TBC1D1: variants seen among roughly 807,000 people sequenced by gnomAD.
TBC1D1 encodes the protein TBC1 (tre-2/USP6, BUB2, cdc16) domain family, member 1.
TBC1D1 carries 89 observed loss-of-function variants against 125.6 expected under a neutral mutation model. The ratio of observed to expected loss-of-function variants is 0.71; its 90% CI spans 0.60 to 0.85. The LOEUF (loss-of-function observed/expected upper bound fraction) is 0.85. Ranked by LOEUF, TBC1D1 falls within the 40% of genes least tolerant of loss-of-function variation. The probability of loss-of-function intolerance (pLI) is 0.00; values close to 1 mark genes in which losing one functional copy is unlikely to be tolerated. For missense variants in TBC1D1, 1,377 were observed against 1,469.2 expected (o/e 0.94, Z 1.03); for synonymous variants, 565 against 564.1 (o/e 1.00, Z -0.02).
chr4:37,984,450 T>G (rs956409063), intron 2 of TBC1D1, among the ~76,000 whole-genome samples: 44 of 152,364 alleles, frequency 2.9e-4, no homozygotes, highest in Middle Eastern at 3.4e-3. Context: ...ATTATTCTAA[T>G]AGGTGTGTAG....
chr4:37,902,251 G>A lies in TBC1D1; in HGVS notation c.156G>A (p.Arg52=), dbSNP rs764743776. 5 of 1,613,938 alleles carry A rather than the reference G, an allele frequency of 3.1e-6. No homozygotes were observed. The African/African-American group carries it at 5.3e-5, about 17-fold the overall frequency. Residue 52 remains arginine (R), a synonymous_variant, in exon 2 of 20, where the codon AGG becomes AGA. Transcript: ENST00000261439. Reference sequence around the variant, plus strand: ...TGGCTGAGGTGCGAAGACTCAGCAGGCAGTCCACCAGAAAGGAACCTGTAA... The same window carrying A: ...TGGCTGAGGTGCGAAGACTCAGCAGACAGTCCACCAGAAAGGAACCTGTAA...
At chr4:37,899,625 T>G (rs1162786317) in intron 1 of TBC1D1, among the ~76,000 whole-genome samples, 5 of 151,688 alleles carry the variant, frequency 3.3e-5, no homozygotes, top group South Asian at 2.1e-4. Flanking sequence ...GCAAAGTGCG[T>G]GGTACTCAAT....
At chr4:38,015,569 G>C (rs189790368) in intron 3 of TBC1D1, among the ~76,000 whole-genome samples, 1 of 152,134 alleles carries the variant, frequency 6.6e-6, no homozygotes, top group African/African-American at 2.4e-5. Context: ...GTTCCATGCT[G>C]ATCTGGGCTC....
At position 38,102,912 on chromosome 4, in the gene TBC1D1, T is replaced by C; in HGVS notation, c.2399-87T>C. The C allele has an allele frequency of 1.5e-5, 20 of 1,367,218 alleles. No homozygotes were observed. In the South Asian group the frequency reaches 2.8e-4, roughly 19 times the overall value. The allele number at this position is 1,367,218 out of a possible 1,614,324, so 84.7% of individuals were successfully genotyped here. A position where few individuals can be genotyped will look rare whatever the true frequency, so the allele number is the denominator to read the frequency against. ...AAAAAAAAAGGAACAAGAATTTGGATAAATGGAACATGAAACACAATTCAT... is the reference window on the plus strand; with the variant it reads ...AAAAAAAAAGGAACAAGAATTTGGACAAATGGAACATGAAACACAATTCAT... On this transcript the variant is annotated intron_variant, in intron 14 of 19. Coordinates refer to ENST00000261439, the MANE Select transcript of TBC1D1 (RefSeq NM_015173.4).
chr4:38,013,521 C>T (rs1249589875), intron 2 of TBC1D1, among the ~76,000 whole-genome samples: 1 of 151,998 alleles, frequency 6.6e-6, no homozygotes, highest in Non-Finnish European at 1.5e-5. Context: ...AAAAGTAGGC[C>T]CTTTTGAAGA....
chr4:38,014,997 A>G lies in TBC1D1; in HGVS notation c.882+24A>G, dbSNP rs749802326. On this transcript the variant is annotated intron_variant, in intron 3 of 19. Transcript: ENST00000261439. This position sits in a 1 kb window ranked among gnomAD's most constrained non-coding sequence, Gnocchi z 5.1. ...CGGTAAAATATCACCCAGCTCGTGC[A>G]CAGCCCCAGTCTGCCATACGCTTTC... The G allele has an allele frequency of 2.0e-6, 3 of 1,510,696 alleles. No individual in the cohort carries two copies. The East Asian group carries it at 6.9e-5, about 35-fold the overall frequency. 93.6% of individuals were successfully genotyped at this position (1,510,696 alleles called of 1,614,324 possible). A position where few individuals can be genotyped will look rare whatever the true frequency, so the allele number is the denominator to read the frequency against.
intron 12 of TBC1D1, among the ~76,000 whole-genome samples, chr4:38,061,693 T>C (rs1343560638): frequency 1.3e-5 from 2 of 152,238 alleles, no homozygotes; most frequent in Non-Finnish European, 2.9e-5. Context: ...TCAATATGCC[T>C]AGTTTATAGT....
intron 2 of TBC1D1, among the ~76,000 whole-genome samples, chr4:37,985,831 T>C (rs566017067): frequency 6.6e-6 from 1 of 152,310 alleles, no homozygotes; most frequent in Admixed American, 6.5e-5. Flanking sequence ...ATGTGATATA[T>C]GCACGAAGAA....
chr4:37,956,520 A>G (rs1235513512), intron 2 of TBC1D1, among the ~76,000 whole-genome samples: 1 of 152,188 alleles, frequency 6.6e-6, no homozygotes, highest in Non-Finnish European at 1.5e-5. Flanking sequence ...CTTCCAGCAG[A>G]CTATCCTCAT....
intron 2 of TBC1D1, among the ~76,000 whole-genome samples, chr4:38,004,076 A>C (rs1739599847): frequency 6.6e-6 from 1 of 152,152 alleles, no homozygotes; most frequent in Non-Finnish European, 1.5e-5. Flanking sequence ...GGCTTGCCCA[A>C]AGCAGTGCTT....
intron 12 of TBC1D1, among the ~76,000 whole-genome samples, chr4:38,066,938 G>A (rs1051022438): frequency 2.0e-5 from 3 of 151,930 alleles, no homozygotes; most frequent in Non-Finnish European, 2.9e-5. Context: ...GTGCAGTGGT[G>A]CAATCTTGGC....
intron 1 of TBC1D1, among the ~76,000 whole-genome samples, chr4:37,894,918 C>T (rs548941885): frequency 6.6e-4 from 101 of 152,290 alleles, no homozygotes; most frequent in African/African-American, 2.3e-3. Flanking sequence ...TCAAATGCCA[C>T]CTTCACAATT....
intron 2 of TBC1D1, among the ~76,000 whole-genome samples, chr4:37,951,517 G>A (rs1294332481): frequency 1.3e-5 from 2 of 152,166 alleles, no homozygotes; most frequent in Non-Finnish European, 2.9e-5. Flanking sequence ...ACATCCTGGG[G>A]ACCACCACCC....
At chr4:38,001,002 C>G (rs185872230) in intron 2 of TBC1D1, among the ~76,000 whole-genome samples, 2 of 152,260 alleles carry the variant, frequency 1.3e-5, no homozygotes, top group Non-Finnish European at 2.9e-5. Flanking sequence ...GAGCGGATCA[C>G]CAGGTCAGGA....
Position 38,049,643 on chromosome 4 carries a change from C to A in TBC1D1, c.1655C>A (p.Ala552Asp), listed in dbSNP as rs776092360. 14 of 1,611,762 alleles carry A rather than the reference C, an allele frequency of 8.7e-6. No homozygotes were observed. Among genetic ancestry groups the A allele is most frequent in the African/African-American group, 1.3e-5 (1 of 74,832 alleles). Residue 552 changes from alanine to aspartate, a missense_variant, in exon 11 of 20, where the codon GCC (alanine) becomes GAC (aspartate). By Grantham distance (126) the Ala-to-Asp change is moderately radical. Transcript: ENST00000261439. ...GAGCCATCTGTGTGTGAAAAGGAGG[C>A]CTTGCCCATCTCTGAGAGCTCCTTT...
chr4:38,014,829 T>C lies in TBC1D1; in HGVS notation c.738T>C (p.Phe246=), dbSNP rs764370273. Reference sequence around the variant, plus strand: ...AGCCCGGCCTGCGCTCGCTGGCCTTTAGGAAGGAGCTGCAGGATGGGGGCC... The same window carrying C: ...AGCCCGGCCTGCGCTCGCTGGCCTTCAGGAAGGAGCTGCAGGATGGGGGCC... Residue 246 remains phenylalanine, a synonymous_variant, in exon 3 of 20, where the codon TTT becomes TTC. Coordinates refer to ENST00000261439, the MANE Select transcript of TBC1D1 (RefSeq NM_015173.4). The surrounding 1 kb of genome is among the most constrained non-coding windows in gnomAD (Gnocchi z 5.1). 89 of 1,611,720 alleles carry C rather than the reference T, an allele frequency of 5.5e-5. No homozygotes were observed. Among genetic ancestry groups the C allele is most frequent in the Non-Finnish European group, 7.1e-5 (84 of 1,178,524 alleles).
At chr4:38,058,121 C>T (rs1213867689) in intron 12 of TBC1D1, among the ~76,000 whole-genome samples, 3 of 152,302 alleles carry the variant, frequency 2.0e-5, no homozygotes, top group Non-Finnish European at 2.9e-5. Flanking sequence ...CAATCTCCTC[C>T]GCCCCCTTCC....
Position 38,027,769 on chromosome 4 carries a change from C to T in TBC1D1, c.1211-19C>T. On this transcript the variant is annotated intron_variant, in intron 6 of 19. Coordinates refer to ENST00000261439, the MANE Select transcript of TBC1D1 (RefSeq NM_015173.4). ...TTTTATATAGAATTTTTTCATGCCT[C>T]TCTTTTTTCTCTTAATAGGAATGAA... is the stretch of plus-strand genomic sequence containing the variant. 2 of 1,583,920 alleles carry T rather than the reference C, an allele frequency of 1.3e-6. No homozygotes were observed. Among genetic ancestry groups the T allele is most frequent in the Non-Finnish European group, 1.7e-6 (2 of 1,159,102 alleles).
At chr4:38,032,110 G>A (rs1048265567) in intron 7 of TBC1D1, among the ~76,000 whole-genome samples, 9 of 152,144 alleles carry the variant, frequency 5.9e-5, no homozygotes, top group Non-Finnish European at 1.2e-4. Flanking sequence ...CCCGAGGTCA[G>A]GAGTTCAAGA....
Sources: allele counts gnomAD v4.1 joint callset (sites outside exome capture counted in the v4.1 genomes callset), GRCh38; gene constraint gnomAD v4.1.1; non-coding constraint Gnocchi (gnomAD v3.1); transcripts MANE v1.5; gene names NCBI Gene and HGNC (gene_info 2026-07-23, HGNC 2026-07-21).